The following DNAH6 variants were observed in gnomAD, a reference collection of about 807,000 sequenced individuals.
The protein encoded by DNAH6 is axonemal beta dynein heavy chain 6.
DNAH6 carries 340 observed loss-of-function variants against 491.4 expected under a neutral mutation model. The ratio of observed to expected loss-of-function variants is 0.69; its 90% CI spans 0.63 to 0.76. DNAH6 has a LOEUF of 0.76. Ranked by LOEUF, DNAH6 falls within the 30% of genes least tolerant of loss-of-function variation. The pLI, the probability that DNAH6 is intolerant of heterozygous loss-of-function variation, is 0.00. For missense variants in DNAH6, 4,443 were observed against 4,972.2 expected (o/e 0.89, Z 3.20); for synonymous variants, 1,603 against 1,686.1 (o/e 0.95, Z 1.21).
At chr2:84,496,670 G>A in the DNAH6 span, among the ~76,000 whole-genome samples, 49 of 152,162 alleles carry the variant, frequency 3.2e-4, no homozygotes, top group African/African-American at 1.1e-3. Context: ...TGATTTTGAG[G>A]TCTAATACTA....
intron 37 of DNAH6, among the ~76,000 whole-genome samples, chr2:84,661,247 T>G (rs1158087898): frequency 6.6e-6 from 1 of 152,014 alleles, no homozygotes; most frequent in South Asian, 2.1e-4. Context: ...GGTCATGAAA[T>G]CAAGTGAAAG....
At chr2:84,674,465 G>A (rs1208490042) in intron 40 of DNAH6, among the ~76,000 whole-genome samples, 1 of 152,140 alleles carries the variant, frequency 6.6e-6, no homozygotes, top group Non-Finnish European at 1.5e-5. Context: ...AAGAGGCAGA[G>A]GGATAAATGG....
chr2:84,461,079 T>C, the DNAH6 span, among the ~76,000 whole-genome samples: 2 of 152,026 alleles, frequency 1.3e-5, no homozygotes, highest in Admixed American at 1.3e-4. Flanking sequence ...GGGGATAAGA[T>C]AAGGGTAATC....
chr2:84,528,770 G>A, intron 3 of DNAH6, 134 bp from the exon 4 acceptor site: 1 of 845,640 alleles, frequency 1.2e-6, no homozygotes, highest in Non-Finnish European at 1.8e-6. Flanking sequence ...AATTTTCAGT[G>A]CCAAAATGCT....
At chr2:84,648,034 C>T (rs760891488) in intron 33 of DNAH6, among the ~76,000 whole-genome samples, 8 of 152,086 alleles carry the variant, frequency 5.3e-5, no homozygotes, top group Non-Finnish European at 4.4e-5. Flanking sequence ...AGAAATAACT[C>T]CAAGAACAGT....
rs2104938400 is a variant in DNAH6, at chr2:84,723,583, A to G, written c.9972+779A>G. 1.3e-5 allele frequency among the ~76,000 whole-genome samples: 2 copies of G among 152,346 alleles called. 1 individual carries two copies. Among genetic ancestry groups the G allele is most frequent in the South Asian group, 4.1e-4 (2 of 4,830 alleles). On this transcript the variant is annotated intron_variant, in intron 60 of 76. Transcript: ENST00000389394. The stretch of plus-strand genomic sequence containing the variant: ...GTGTTTTCTGTTGTATCTCAAGTCC[A>G]AACAGCACTGACCTTAACCAAATTG...
At chr2:84,687,673 G>A (rs1694406963) in intron 44 of DNAH6, among the ~76,000 whole-genome samples, 1 of 152,090 alleles carries the variant, frequency 6.6e-6, no homozygotes, top group Non-Finnish European at 1.5e-5. Flanking sequence ...CATTGCCTCT[G>A]TGTGTTTTAG....
At chr2:84,487,378 C>A in the DNAH6 span, among the ~76,000 whole-genome samples, 12 of 152,154 alleles carry the variant, frequency 7.9e-5, 1 homozygote, top group African/African-American at 2.9e-4. Flanking sequence ...TTATCATGGC[C>A]ACAGCCTCGA....
chr2:84,506,873 T>G, the DNAH6 span, among the ~76,000 whole-genome samples: 1 of 152,176 alleles, frequency 6.6e-6, no homozygotes, highest in African/African-American at 2.4e-5. Context: ...GATCAGATAG[T>G]TGTAGATATG....
chr2:84,592,552 A>G (rs1239593489), intron 16 of DNAH6, among the ~76,000 whole-genome samples: 2 of 152,214 alleles, frequency 1.3e-5, no homozygotes, highest in Non-Finnish European at 2.9e-5. Flanking sequence ...AAAACTTAAA[A>G]AACAAATGAC....
intron 4 of DNAH6, among the ~76,000 whole-genome samples, chr2:84,534,234 C>T (rs1216645529): frequency 1.3e-5 from 2 of 151,940 alleles, no homozygotes; most frequent in Admixed American, 6.6e-5. Flanking sequence ...TCCCAGTGTG[C>T]CCTAGTTGTT....
rs1674759144 is a variant in DNAH6, at chr2:84,763,263, CT to C, written c.10703+319del. Among the ~76,000 whole-genome samples the C allele has an allele frequency of 3.9e-5, 6 of 152,186 alleles. No individual in the cohort carries two copies. The South Asian group carries it at 1.2e-3, about 32-fold the overall frequency. On this transcript the variant is annotated intron_variant, in intron 64 of 76. Coordinates refer to ENST00000389394, the MANE Select transcript of DNAH6 (RefSeq NM_001370.2). The stretch of plus-strand genomic sequence containing the variant: ...AACCAAAAAGGTACTGCAGTTTACT[CT>C]CTATAATCAAATGTACAAAAAAAGA...
intron 33 of DNAH6, among the ~76,000 whole-genome samples, chr2:84,648,792 A>C (rs140124704): frequency 1.5e-3 from 223 of 152,350 alleles, no homozygotes; most frequent in African/African-American, 5.2e-3. Flanking sequence ...AATGACAACA[A>C]AAGACTCTGT....
intron 63 of DNAH6, among the ~76,000 whole-genome samples, chr2:84,745,665 C>CAAAAA (rs34589141): frequency 1.6e-5 from 1 of 61,924 alleles, no homozygotes; most frequent in Non-Finnish European, 3.4e-5. Flanking sequence ...GACACTGTCT[C>CAAAAA]AAAAAAAAAA....
intron 63 of DNAH6, among the ~76,000 whole-genome samples, chr2:84,751,751 A>G (rs373988261): frequency 1.3e-5 from 2 of 152,180 alleles, no homozygotes; most frequent in South Asian, 2.1e-4. Context: ...AGTGTTCTCA[A>G]ATTTTGGTGT....
At chr2:84,547,180 C>T in intron 5 of DNAH6, 88 bp from the exon 6 acceptor site, 1 of 1,166,796 alleles carries the variant, frequency 8.6e-7, no homozygotes, top group Non-Finnish European at 1.2e-6. Context: ...GTTTATTATC[C>T]TTAATAACTA....
Position 84,637,168 on chromosome 2 carries a change from A to G in DNAH6, c.4654-42A>G, listed in dbSNP as rs1317737726. The G allele has an allele frequency of 2.7e-6, 4 of 1,466,472 alleles. No homozygotes were observed. In the Admixed American group the frequency reaches 7.6e-5, roughly 28 times the overall value. 90.8% of individuals were successfully genotyped at this position (1,466,472 alleles called of 1,614,324 possible). On this transcript the variant is annotated intron_variant, in intron 30 of 76. Transcript: ENST00000389394. ...TAATAATTAGGTGAAAAATTTTACA[A>G]GTGTCTGGAAGAGTGTTAACTTATA...
chr2:84,726,879 G>A (rs1260350183), intron 60 of DNAH6, among the ~76,000 whole-genome samples: 3 of 152,236 alleles, frequency 2.0e-5, no homozygotes, highest in South Asian at 2.1e-4. Context: ...ATCCCTCAAT[G>A]CCACCATCTC....
rs1000498538 is a variant in DNAH6, at chr2:84,621,535, A to C, written c.4055A>C (p.Glu1352Ala). The part of the protein sequence containing the change: ...SNHIQALKNF[E>A]KVNFERLNAL... ...CATATACAGGCCCTGAAGAATTTTG[A>C]AAAAGTAAATTTTGAGGTGAGATCT... The change falls in exon 26 of 77, where the codon GAA (glutamate) becomes GCA (alanine). Residue 1352 changes from glutamate (E) to alanine (A), a missense_variant. By Grantham distance (107) the Glu-to-Ala change is moderately radical. Around this residue, in one of 3 missense-constraint regions of DNAH6, gnomAD observed 2,977 missense variants for 3,296.6 expected, o/e 0.90. Transcript: ENST00000389394. 6.6e-7 allele frequency: 1 copy of C among 1,520,446 alleles called. No homozygotes were observed. The highest frequency in any genetic ancestry group is 8.9e-7 in the Non-Finnish European group (1 of 1,122,828). 94.2% of individuals were successfully genotyped at this position (1,520,446 alleles called of 1,614,324 possible).
Sources: gnomAD v4.1 joint callset for allele counts (sites outside exome capture counted in the v4.1 genomes callset) on GRCh38, gnomAD v4.1.1 for gene constraint, gnomAD v4.1.1 regional missense constraint, MANE v1.5 for transcripts, NCBI Gene and HGNC (gene_info 2026-07-23, HGNC 2026-07-21) for gene names.